Variants in GREB1 observed in about 807,000 individuals in gnomAD.
The protein encoded by GREB1 is growth regulating estrogen receptor binding 1.
A neutral mutation model predicts 200.7 loss-of-function variants in GREB1; 106 were observed. The observed-to-expected ratio is 0.53, with a 90% CI of 0.45 to 0.62. GREB1 has a LOEUF of 0.62. Among genes scored for constraint, GREB1 ranks in the 20% least tolerant of loss-of-function variants. GREB1 has a pLI of 0.00. For synonymous variants in GREB1, 1,132 were observed against 1,092.4 expected (o/e 1.04, Z -0.72); for missense variants, 2,243 against 2,556.8 (o/e 0.88, Z 2.65).
At chr2:11,617,936 C>T (rs951426021) in intron 21 of GREB1, among the ~76,000 whole-genome samples, 1 of 152,140 alleles carries the variant, frequency 6.6e-6, no homozygotes, top group Non-Finnish European at 1.5e-5. Flanking sequence ...CCGATGGAGT[C>T]AGCACTGAGC....
rs569198363 is a variant in GREB1, at chr2:11,634,320, G to A, written c.5181G>A (p.Leu1727=). 2 of 1,614,012 alleles carry A rather than the reference G, an allele frequency of 1.2e-6. No homozygotes were observed. Among genetic ancestry groups the A allele is most frequent in the Admixed American group, 1.7e-5 (1 of 60,016 alleles). The stretch of plus-strand genomic sequence containing the variant: ...ACTTCATCATCCTGAACGTGGACCT[G>A]ACCCAGAACGTGCAGTACAACCAGA... ...VHNFIILNVD[L]TQNVQYNQNR... The change falls in exon 29 of 33, where the codon CTG becomes CTA. Residue 1727 remains leucine (L), a synonymous_variant. Coordinates refer to ENST00000381486, the MANE Select transcript of GREB1 (RefSeq NM_014668.4).
intron 1 of GREB1, among the ~76,000 whole-genome samples, chr2:11,512,029 C>G (rs1673367382): frequency 6.6e-6 from 1 of 152,140 alleles, no homozygotes; most frequent in Non-Finnish European, 1.5e-5. Context: ...CGATTTCTAG[C>G]CTGTAGCGAG....
At chr2:11,502,202 C>G (rs962345923) in intron 1 of GREB1, among the ~76,000 whole-genome samples, 10 of 150,498 alleles carry the variant, frequency 6.6e-5, no homozygotes, top group African/African-American at 2.4e-4. Flanking sequence ...CAGGCATGAA[C>G]CACCACGCCT....
intron 21 of GREB1, among the ~76,000 whole-genome samples, chr2:11,617,592 G>A (rs1163702592): frequency 6.6e-6 from 1 of 152,260 alleles, no homozygotes; most frequent in Non-Finnish European, 1.5e-5. Flanking sequence ...TGAGAGAGCA[G>A]CTGACCCTCA....
At chr2:11,496,570 G>A (rs988324630) in intron 1 of GREB1, among the ~76,000 whole-genome samples, 1 of 145,022 alleles carries the variant, frequency 6.9e-6, no homozygotes, top group East Asian at 2.1e-4. Flanking sequence ...ATGAAAGGAC[G>A]CTCTGCTTCT....
In GREB1 at chr2:11,640,613, G is replaced by T; in HGVS notation, c.*159G>T. 14 of 762,504 alleles carry T rather than the reference G, an allele frequency of 1.8e-5. 1 individual carries two copies. In the South Asian group the frequency reaches 2.6e-4, roughly 14 times the overall value. 47.2% of individuals were successfully genotyped at this position (762,504 alleles called of 1,614,324 possible). ...AGTACACATGGGCCCCCGAGGCCGT[G>T]GTCCTGGGAGCCAGGAAGACTCCGC... On this transcript the variant is annotated 3_prime_UTR_variant, in exon 33 of 33. Transcript: ENST00000381486. This position sits in a 1 kb window ranked among gnomAD's most constrained non-coding sequence, Gnocchi z 4.6.
At chr2:11,532,576 G>A (rs895393164), upstream of GREB1, among the ~76,000 whole-genome samples, 2 of 152,176 alleles carry the variant, frequency 1.3e-5, no homozygotes, top group African/African-American at 4.8e-5. Flanking sequence ...TCTGATTGCC[G>A]CAGCAGACAA....
rs1256421154 is a variant in GREB1, at chr2:11,633,289, G to A, written c.4991+226G>A. The stretch of plus-strand genomic sequence containing the variant: ...TTAAAAAATTGTTATTGGGCCGGGC[G>A]CGGTGGCTCATGCCTGTAATCCCAG... On this transcript the variant is annotated intron_variant, in intron 28 of 32. Transcript: ENST00000381486. This position sits in a 1 kb window ranked among gnomAD's most constrained non-coding sequence, Gnocchi z 4.1. Among the ~76,000 whole-genome samples, 8 of 152,158 alleles carry A rather than the reference G, an allele frequency of 5.3e-5. No individual in the cohort carries two copies. Among genetic ancestry groups the A allele is most frequent in the South Asian group, 2.1e-4 (1 of 4,830 alleles).
intron 17 of GREB1, among the ~76,000 whole-genome samples, chr2:11,609,789 G>C (rs1027026197): frequency 1.3e-5 from 2 of 152,206 alleles, no homozygotes; most frequent in Non-Finnish European, 2.9e-5. Flanking sequence ...AAGGCGAGCT[G>C]GCTGCCCTGA....
At position 11,589,005 on chromosome 2, in the gene GREB1, C is replaced by T. The variant is rs562445099; in HGVS notation, c.1345+74C>T. 1.3e-4 allele frequency: 153 copies of T among 1,193,232 alleles called. No individual in the cohort carries two copies. The African/African-American group carries it at 1.8e-3, about 14-fold the overall frequency. The allele number at this position is 1,193,232 out of a possible 1,614,324, so 73.9% of individuals were successfully genotyped here. On this transcript the variant is annotated intron_variant, in intron 10 of 32. Transcript: ENST00000381486. Reference sequence around the variant, plus strand: ...CGAGCACAGACCTGGCCTCGGCCCTCGTGGGGGCTGACTTGGGCTGCTGGA... The same window carrying T: ...CGAGCACAGACCTGGCCTCGGCCCTTGTGGGGGCTGACTTGGGCTGCTGGA...
At chr2:11,488,013 T>C (rs1672694088) in intron 1 of GREB1, among the ~76,000 whole-genome samples, 2 of 152,310 alleles carry the variant, frequency 1.3e-5, no homozygotes, top group South Asian at 4.1e-4. Context: ...CAGGTTCTCA[T>C]CTGCTCCTTG....
At chr2:11,565,681 G>A (rs1203200679) in intron 3 of GREB1, among the ~76,000 whole-genome samples, 1 of 152,134 alleles carries the variant, frequency 6.6e-6, no homozygotes, top group African/African-American at 2.4e-5. Flanking sequence ...CACGCAAAAG[G>A]TTCTGAAGGG....
chr2:11,574,458 C>T (rs953312961), intron 4 of GREB1, among the ~76,000 whole-genome samples: 2 of 151,996 alleles, frequency 1.3e-5, no homozygotes, highest in African/African-American at 2.4e-5. Context: ...ACAGGTGGGG[C>T]CCCCAGAGGA....
At position 11,548,926 on chromosome 2, in the gene GREB1, C is replaced by T. The variant is rs969075411; in HGVS notation, c.-161-7528C>T. Among the ~76,000 whole-genome samples the T allele has an allele frequency of 5.9e-5, 9 of 152,110 alleles. No individual in the cohort carries two copies. Among genetic ancestry groups the T allele is most frequent in the African/African-American group, 1.4e-4 (6 of 41,506 alleles). On this transcript the variant is annotated intron_variant, in intron 1 of 32. Transcript: ENST00000381486. This position sits in a 1 kb window ranked among gnomAD's most constrained non-coding sequence, Gnocchi z 5.1. ...GGGAAAATTTTCCCTTAAAATTTTC[C>T]GGGCATTATTTCATTATTTCCAATG...
chr2:11,638,840 G>A, intron 32 of GREB1, 31 bp downstream of exon 32: 1 of 1,609,412 alleles, frequency 6.2e-7, no homozygotes, highest in Non-Finnish European at 8.5e-7. Context: ...TCTGCACCTT[G>A]TCTTCAATGG....
chr2:11,573,230 G>A (rs534382757), intron 4 of GREB1, among the ~76,000 whole-genome samples: 7 of 152,292 alleles, frequency 4.6e-5, no homozygotes, highest in Middle Eastern at 3.4e-3. Flanking sequence ...ACACATAGCC[G>A]CCCAGGACGT....
Position 11,635,297 on chromosome 2 carries a change from C to T in GREB1, c.5238C>T (p.Asn1746=), listed in dbSNP as rs200679194. 2.1e-5 allele frequency: 34 copies of T among 1,614,092 alleles called. No homozygotes were observed. Among genetic ancestry groups the T allele is most frequent in the Non-Finnish European group, 1.4e-5 (17 of 1,180,038 alleles). ...TCCTGTGTGACGATGTAGACTTCAACCTGCGGGTGCACAGCGCCGGCCTCC... is the reference window on the plus strand; with the variant it reads ...TCCTGTGTGACGATGTAGACTTCAATCTGCGGGTGCACAGCGCCGGCCTCC... ...NRFLCDDVDF[N]LRVHSAGLLL... The change falls in exon 30 of 33, where the codon AAC becomes AAT. Residue 1746 remains asparagine, a synonymous_variant. Coordinates refer to ENST00000381486, the MANE Select transcript of GREB1 (RefSeq NM_014668.4).
intron 1 of GREB1, among the ~76,000 whole-genome samples, chr2:11,485,237 ATTTATTTTAT>A (rs1175054636): frequency 4.0e-5 from 6 of 148,756 alleles, no homozygotes; most frequent in Non-Finnish European, 8.9e-5. Context: ...TAGAAGCAAC[ATTTATTTTAT>A]TTTATTTTAT....
At chr2:11,551,497 CTG>C (rs1675824686) in intron 1 of GREB1, among the ~76,000 whole-genome samples, 1 of 152,234 alleles carries the variant, frequency 6.6e-6, no homozygotes. Flanking sequence ...CAGGGAGTGT[CTG>C]TCGCCTATAC....
Sources: allele counts gnomAD v4.1 joint callset (sites outside exome capture counted in the v4.1 genomes callset), GRCh38; gene constraint gnomAD v4.1.1; non-coding constraint Gnocchi (gnomAD v3.1); transcripts MANE v1.5; gene names NCBI Gene and HGNC (gene_info 2026-07-23, HGNC 2026-07-21).